ERAP2: variants seen among roughly 807,000 people sequenced by gnomAD.
ERAP2 encodes endoplasmic reticulum aminopeptidase 2.
A neutral mutation model predicts 111.1 loss-of-function variants in ERAP2; 118 were observed. The ratio of observed to expected loss-of-function variants is 1.06; its 90% CI spans 0.92 to 1.24. ERAP2 has a LOEUF of 1.24. Ranked by LOEUF, ERAP2 falls within the 50% of genes most tolerant of loss-of-function variation. The probability of loss-of-function intolerance (pLI) is 0.00; values close to 1 mark genes in which losing one functional copy is unlikely to be tolerated. For synonymous variants in ERAP2, 410 were observed against 401.2 expected (o/e 1.02, Z -0.26); for missense variants, 1,131 against 1,125.8 (o/e 1.00, Z -0.07).
At chr5:96,916,346 T>C (rs1787382225) in intron 18 of ERAP2, among the ~76,000 whole-genome samples, 1 of 152,056 alleles carries the variant, frequency 6.6e-6, no homozygotes, top group African/African-American at 2.4e-5. Flanking sequence ...GGTGAGCCCT[T>C]TTGTATTATT....
Position 96,897,776 on chromosome 5 carries a change from T to G in ERAP2, c.1503+913T>G, listed in dbSNP as rs139484514. ...TATAGAACCATTAGACCCAGAGAAC[T>G]CATACCTGTAATTAGAAGAACCCTA... On this transcript the variant is annotated intron_variant, in intron 9 of 18. Transcript: ENST00000437043. Among the ~76,000 whole-genome samples the G allele has an allele frequency of 9.2e-5, 14 of 152,334 alleles. No homozygotes were observed. The East Asian group carries it at 2.7e-3, about 29-fold the overall frequency.
At chr5:96,885,661 A>G (rs1289466703) in intron 3 of ERAP2, among the ~76,000 whole-genome samples, 1 of 152,242 alleles carries the variant, frequency 6.6e-6, no homozygotes, top group Non-Finnish European at 1.5e-5. Context: ...TGCAGTCAGC[A>G]TCATCACAAG....
At chr5:96,894,285 G>A (rs1310310612) in intron 6 of ERAP2, among the ~76,000 whole-genome samples, 1 of 152,160 alleles carries the variant, frequency 6.6e-6, no homozygotes, top group Non-Finnish European at 1.5e-5. Flanking sequence ...TTCAAATTGA[G>A]GAAACACCTC....
At chr5:96,895,463 G>A in intron 7 of ERAP2, 104 bp downstream of exon 7, 5 of 835,892 alleles carry the variant, frequency 6.0e-6, no homozygotes, top group Non-Finnish European at 9.7e-6. Context: ...ATAATGTTGT[G>A]GTTTTTGAAC....
intron 1 of ERAP2, among the ~76,000 whole-genome samples, chr5:96,877,795 C>CTTGGAACACT (rs1363703555): frequency 6.6e-6 from 1 of 152,110 alleles, no homozygotes; most frequent in Non-Finnish European, 1.5e-5. Context: ...ATCAGACGTT[C>CTTGGAACACT]TTGGAACACT....
Position 96,879,617 on chromosome 5 carries a change from C to A in ERAP2, c.-69C>A. The A allele has an allele frequency of 1.6e-6, 2 of 1,268,974 alleles. No individual in the cohort carries two copies. The highest frequency in any genetic ancestry group is 1.3e-5 in the South Asian group (1 of 76,950). 78.6% of individuals were successfully genotyped at this position (1,268,974 alleles called of 1,614,324 possible). A position where few individuals can be genotyped will look rare whatever the true frequency, so the allele number is the denominator to read the frequency against. On this transcript the variant is annotated 5_prime_UTR_variant, in exon 2 of 19. Coordinates refer to ENST00000437043, the MANE Select transcript of ERAP2 (RefSeq NM_022350.5). ...CAGACCCCATGTGACATAACTGGAG[C>A]CAGTGCAGTGCCATGAAGAACTACG... is the stretch of plus-strand genomic sequence containing the variant.
At chr5:96,908,183 C>T (rs1037141136) in intron 13 of ERAP2, among the ~76,000 whole-genome samples, 3 of 152,156 alleles carry the variant, frequency 2.0e-5, no homozygotes, top group Non-Finnish European at 4.4e-5. Flanking sequence ...GTTTCCACAT[C>T]ACACGATTGT....
chr5:96,917,407 C>T (rs1300048881), intron 18 of ERAP2, 55 bp from the exon 19 acceptor site: 2 of 1,538,888 alleles, frequency 1.3e-6, no homozygotes, highest in East Asian at 2.4e-5. Flanking sequence ...AGGTGTGAAC[C>T]ACCACACTCG....
chr5:96,903,521 A>T lies in ERAP2; in HGVS notation c.1973A>T (p.Asp658Val), dbSNP rs1451178766. 2.2e-5 allele frequency: 35 copies of T among 1,613,206 alleles called. No individual in the cohort carries two copies. The highest frequency in any genetic ancestry group is 2.9e-5 in the Non-Finnish European group (34 of 1,179,772). ...NQNHTLLRPK[D>V]RVGLIHDVFQ... is the part of the protein sequence containing the mutation. ...AACCACACACTTCTCAGACCTAAGG[A>T]CAGAGTAGGTCTGATTCATGATGTG... Residue 658 changes from aspartate (D) to valine (V), a missense_variant, in exon 13 of 19, where the codon GAC (aspartate) becomes GTC (valine). Physicochemically the swap from Asp to Val is radical, Grantham distance 152. Coordinates refer to ENST00000437043, the MANE Select transcript of ERAP2 (RefSeq NM_022350.5).
rs1787682151 is a variant in ERAP2 at position 96,918,460 on chromosome 5, C to G, written c.*855C>G. ...TAGGTGTCAGGGTTTATCAAGAAGG[C>G]CAGGAAGGCCTTTTGGGTTAAGCCT... On this transcript the variant is annotated 3_prime_UTR_variant, in exon 19 of 19. Coordinates refer to ENST00000437043, the MANE Select transcript of ERAP2 (RefSeq NM_022350.5). 1 of 152,116 alleles carries G rather than the reference C, an allele frequency of 6.6e-6. No homozygotes were observed. The highest frequency in any genetic ancestry group is 2.4e-5 in the African/African-American group (1 of 41,416). 9.4% of individuals were successfully genotyped at this position (152,116 alleles called of 1,614,324 possible).
rs145800217 is a variant in ERAP2 at position 96,894,990 on chromosome 5, T to C, written c.1126-256T>C. The stretch of plus-strand genomic sequence containing the variant: ...TAATAACTAGGAAATGTTGGGCAGA[T>C]AGAATGAAAGTCGAAGAGTTAAGGG... On this transcript the variant is annotated intron_variant, in intron 6 of 18. Coordinates refer to ENST00000437043, the MANE Select transcript of ERAP2 (RefSeq NM_022350.5). Among the ~76,000 whole-genome samples, 136 of 151,744 alleles carry C rather than the reference T, an allele frequency of 9.0e-4. 4 individuals carry two copies. In the East Asian group the frequency reaches 0.025, roughly 28 times the overall value.
chr5:96,887,611 T>G (rs1261355024), intron 4 of ERAP2, among the ~76,000 whole-genome samples: 1 of 152,184 alleles, frequency 6.6e-6, no homozygotes. Context: ...TTTCCAACTG[T>G]TTTTTATAAC....
chr5:96,909,331 G>A (rs537467908), intron 14 of ERAP2, among the ~76,000 whole-genome samples: 12 of 152,228 alleles, frequency 7.9e-5, no homozygotes, highest in African/African-American at 2.9e-4. Context: ...CTCTACTAAA[G>A]GTGATTTTAT....
Position 96,909,753 on chromosome 5 carries a change from T to C in ERAP2, c.2343T>C (p.Ser781=). ...AELFSQWMES[S]GKLNIPTDVL... ...TCTTCTCCCAGTGGATGGAATCCAG[T>C]GGAAAATTAAAGTAGATGTAGACTT... Residue 781 remains serine, a synonymous_variant, in exon 15 of 19, where the codon AGT becomes AGC. Coordinates refer to ENST00000437043, the MANE Select transcript of ERAP2 (RefSeq NM_022350.5). 6.2e-7 allele frequency: 1 copy of C among 1,613,946 alleles called. No individual in the cohort carries two copies.
intron 15 of ERAP2, among the ~76,000 whole-genome samples, chr5:96,912,122 C>A (rs189054421): frequency 6.9e-6 from 1 of 144,674 alleles, no homozygotes; most frequent in African/African-American, 2.6e-5. Context: ...CCCCGGGGGG[C>A]GGAGCCTGCA....
At chr5:96,888,339 G>A (rs1783979149) in intron 4 of ERAP2, among the ~76,000 whole-genome samples, 1 of 152,180 alleles carries the variant, frequency 6.6e-6, no homozygotes, top group Non-Finnish European at 1.5e-5. Context: ...CAGAGGACAG[G>A]TTCCTGTCAG....
At chr5:96,886,617 A>C (rs773723384) in intron 3 of ERAP2, 38 bp from the exon 4 acceptor site, 1 of 1,457,018 alleles carries the variant, frequency 6.9e-7, no homozygotes, top group Non-Finnish European at 9.2e-7. Flanking sequence ...GAAATACTCC[A>C]GTTTTCAAGT....
intron 10 of ERAP2, among the ~76,000 whole-genome samples, chr5:96,901,130 G>A (rs768032168): frequency 6.6e-6 from 1 of 152,022 alleles, no homozygotes; most frequent in Non-Finnish European, 1.5e-5. Context: ...TATTTCCCTC[G>A]TAAACCACCC....
At chr5:96,883,690 T>G (rs1271538696) in intron 2 of ERAP2, 102 bp from the exon 3 acceptor site, 13 of 1,176,054 alleles carry the variant, frequency 1.1e-5, no homozygotes, top group Non-Finnish European at 1.2e-6. Flanking sequence ...AGAAATCAAG[T>G]CTATTACCCC....
Sources: gnomAD v4.1 joint callset for allele counts (sites outside exome capture counted in the v4.1 genomes callset) on GRCh38, gnomAD v4.1.1 for gene constraint, MANE v1.5 for transcripts, NCBI Gene and HGNC (gene_info 2026-07-23, HGNC 2026-07-21) for gene names.